Variants in MADD observed in about 807,000 individuals in gnomAD.
MADD encodes MAP kinase-activating death domain protein.
MADD carries 109 observed loss-of-function variants against 176.7 expected under a neutral mutation model. That is an observed-to-expected ratio of 0.62 (90% CI 0.53 to 0.72). The LOEUF (loss-of-function observed/expected upper bound fraction) is 0.72, where lower values mean the gene tolerates loss of function less well. MADD is among the 30% of genes least tolerant of loss of function. MADD has a pLI of 0.00. For synonymous variants in MADD, 771 were observed against 771.3 expected (o/e 1.00, Z 0.01); for missense variants, 1,914 against 2,045.5 (o/e 0.94, Z 1.24).
intron 25 of MADD, among the ~76,000 whole-genome samples, chr11:47,309,869 T>C (rs2086671918): frequency 6.9e-6 from 1 of 144,136 alleles, no homozygotes; most frequent in African/African-American, 2.6e-5. Flanking sequence ...TGAGACGGAG[T>C]CTTGCTCTGT....
upstream of MADD, chr11:47,270,149 T>TGGCGCCCGCTCGGAGC (rs1350516669): frequency 1.3e-5 from 2 of 151,868 alleles, no homozygotes; most frequent in Non-Finnish European, 2.9e-5. Flanking sequence ...GACGCGGAAC[T>TGGCGCCCGCTCGGAGC]GGCGCCCGCT....
intron 15 of MADD, among the ~76,000 whole-genome samples, chr11:47,287,879 C>T (rs1315117135): frequency 1.3e-5 from 2 of 148,822 alleles, no homozygotes; most frequent in Admixed American, 6.8e-5. Flanking sequence ...CAAGCTCCGC[C>T]TCCCGGGTTC....
intron 22 of MADD, among the ~76,000 whole-genome samples, chr11:47,301,814 T>C (rs1226689285): frequency 6.6e-6 from 1 of 152,216 alleles, no homozygotes; most frequent in Non-Finnish European, 1.5e-5. Flanking sequence ...CTTGCTGTGA[T>C]TTCAGTTTTC....
Position 47,278,187 on chromosome 11 carries a change from A to AC in MADD, c.1119dup (p.Ile374HisfsTer19). The AC allele has an allele frequency of 6.2e-7, 1 of 1,613,740 alleles. No homozygotes were observed. Among genetic ancestry groups the AC allele is most frequent in the South Asian group, 1.1e-5 (1 of 91,080 alleles). On this transcript the variant is annotated frameshift_variant, in exon 6 of 33. Transcript: ENST00000402192. LOFTEE classifies it high-confidence loss of function. The stretch of plus-strand genomic sequence containing the variant: ...CAGCTGCTGTTGGCTCCAACCCCGT[A>AC]CATCATTGGGGTTCCTGCCAGCTTC...
In MADD at chr11:47,275,774, C is replaced by T. The variant is rs113619689; in HGVS notation, c.660-125C>T. 1,405 of 925,548 alleles carry T rather than the reference C, an allele frequency of 1.5e-3. 18 individuals are homozygous for T. The African/African-American group carries it at 0.021, about 14-fold the overall frequency. 57.3% of individuals were successfully genotyped at this position (925,548 alleles called of 1,614,324 possible). A position where few individuals can be genotyped will look rare whatever the true frequency, so the allele number is the denominator to read the frequency against. Reference sequence around the variant, plus strand: ...TTCCGGTCCTATCTGAGCTCAGAGACTGGGCTTTCTTAATGATGCTCCGTT... The same window carrying T: ...TTCCGGTCCTATCTGAGCTCAGAGATTGGGCTTTCTTAATGATGCTCCGTT... On this transcript the variant is annotated intron_variant, in intron 3 of 32. Coordinates refer to ENST00000402192, the Ensembl canonical transcript of MADD.
At chr11:47,287,855 A>G (rs1194227924) in intron 15 of MADD, among the ~76,000 whole-genome samples, 1 of 137,494 alleles carries the variant, frequency 7.3e-6, no homozygotes, top group Non-Finnish European at 1.5e-5. Flanking sequence ...CAGTGGTGCA[A>G]TCTTGCCTCA....
exon 28 of MADD, chr11:47,323,734 G>A (rs755005677): frequency 3.1e-6 from 5 of 1,614,032 alleles, no homozygotes; most frequent in East Asian, 2.2e-5. Context: ...CTGGTGGTAC[G>A]AGAAGCTCAT....
intron 27 of MADD, among the ~76,000 whole-genome samples, chr11:47,318,673 G>A (rs2093716553): frequency 6.6e-6 from 1 of 152,120 alleles, no homozygotes; most frequent in South Asian, 2.1e-4. Context: ...TGCCATGCCA[G>A]GGAAGAGTGC....
intron 15 of MADD, chr11:47,289,024 G>GCCGTATCATTAAAA: frequency 6.3e-7 from 1 of 1,593,816 alleles, no homozygotes; most frequent in South Asian, 1.2e-5. Context: ...CGGGAGTGGT[G>GCCGTATCATTAAAA]AAGGTGGGTC....
chr11:47,282,252 C>A (rs2057485701), intron 8 of MADD, 129 bp from the exon 9 acceptor site: 1 of 682,830 alleles, frequency 1.5e-6, no homozygotes, highest in Admixed American at 2.6e-5. Flanking sequence ...GCTGATGATT[C>A]TTTAAGATAT....
exon 6 of MADD, chr11:47,278,187 A>T (rs1252975669): frequency 1.4e-5 from 23 of 1,613,738 alleles, no homozygotes; most frequent in Non-Finnish European, 1.8e-5. Context: ...CCAACCCCGT[A>T]CATCATTGGG....
At chr11:47,301,183 G>T (rs1409925493) in intron 22 of MADD, among the ~76,000 whole-genome samples, 1 of 151,918 alleles carries the variant, frequency 6.6e-6, no homozygotes, top group Non-Finnish European at 1.5e-5. Context: ...TGCAATCTTG[G>T]CTCACTGCAG....
chr11:47,275,936 G>A (rs1339096974), exon 4 of MADD: 1 of 1,613,430 alleles, frequency 6.2e-7, no homozygotes, highest in African/African-American at 1.3e-5. Flanking sequence ...ATCGCTGCTG[G>A]TAGAGGAGAA....
rs941141958 is a variant in MADD at position 47,295,724 on chromosome 11, G to A, written c.3483+148G>A. ...GAGATGTTTACCATCATAGGTGTGTGTATACGAGATTTCACCCAGAGCTTC... is the reference window on the plus strand; with the variant it reads ...GAGATGTTTACCATCATAGGTGTGTATATACGAGATTTCACCCAGAGCTTC... On this transcript the variant is annotated intron_variant, in intron 21 of 32. Coordinates refer to ENST00000402192, the Ensembl canonical transcript of MADD. The A allele has an allele frequency of 2.2e-5, 33 of 1,528,232 alleles. No individual in the cohort carries two copies. In the Admixed American group the frequency reaches 5.5e-4, roughly 25 times the overall value. The allele number at this position is 1,528,232 out of a possible 1,614,324, so 94.7% of individuals were successfully genotyped here. A position where few individuals can be genotyped will look rare whatever the true frequency, so the allele number is the denominator to read the frequency against.
intron 27 of MADD, among the ~76,000 whole-genome samples, chr11:47,322,687 A>T (rs2141999319): frequency 6.6e-6 from 1 of 152,338 alleles, no homozygotes. Flanking sequence ...TTTTTAATTT[A>T]TATCATCCTG....
intron 27 of MADD, 141 bp downstream of exon 30, chr11:47,315,468 T>G (rs539856240): frequency 1.8e-6 from 1 of 547,258 alleles, no homozygotes; most frequent in East Asian, 3.2e-5. Context: ...ATTGGTTTTT[T>G]TGTTTTTTGC....
chr11:47,275,006 C>T (rs767084637), exon 3 of MADD: 8 of 1,614,114 alleles, frequency 5.0e-6, no homozygotes, highest in Non-Finnish European at 6.8e-6. Flanking sequence ...GGGAGCCGCT[C>T]CCGCAACAGT....
chr11:47,309,035 T>A, intron 23 of MADD: 1 of 1,614,076 alleles, frequency 6.2e-7, no homozygotes, highest in Non-Finnish European at 8.5e-7. Flanking sequence ...TGGAGACCTT[T>A]TCTATAAGTA....
rs780179781 is a variant in MADD at position 47,273,878 on chromosome 11, CT to C, written c.-36del. ...GAATGCTGACTCCTTGCTTGGTGCC[CT>C]GATGCTTCTCTGAGATAAACTGATG... On this transcript the variant is annotated 5_prime_UTR_variant, in exon 2 of 33. The change abolishes the stop of an existing upstream ORF in the 5' untranslated region. Coordinates refer to ENST00000402192, the Ensembl canonical transcript of MADD. 77 of 1,592,804 alleles carry C rather than the reference CT, an allele frequency of 4.8e-5. No individual in the cohort carries two copies. Among genetic ancestry groups the C allele is most frequent in the Non-Finnish European group, 6.5e-5 (75 of 1,160,838 alleles).
Sources: gnomAD v4.1 joint callset for allele counts (sites outside exome capture counted in the v4.1 genomes callset) on GRCh38, gnomAD v4.1.1 for gene constraint, MANE v1.5 for transcripts, NCBI Gene and HGNC (gene_info 2026-07-23, HGNC 2026-07-21) for gene names.